Variants in SLC9B1 observed in about 807,000 individuals in gnomAD.
The protein encoded by SLC9B1 is sodium/hydrogen exchanger 9B1.
Under a neutral mutation model 51.7 loss-of-function variants are expected in SLC9B1, and 32 were observed. The ratio of observed to expected loss-of-function variants is 0.62; its 90% confidence interval spans 0.47 to 0.83. SLC9B1 has a LOEUF of 0.83. Among genes scored for constraint, SLC9B1 ranks in the 40% least tolerant of loss-of-function variants. The pLI is 0.00. For synonymous variants in SLC9B1, 145 were observed against 212.7 expected, an observed-to-expected ratio of 0.68 and a Z score of 2.77; for missense variants, 406 against 613.2, an observed-to-expected ratio of 0.66 and a Z score of 3.57.
chr4:102,924,476 C>A (rs1229291331), intron 7 of SLC9B1, among the ~76,000 whole-genome samples: 1 of 152,294 alleles, frequency 6.6e-6, no homozygotes, highest in Admixed American at 6.5e-5. Context: ...CTAGGCAATA[C>A]CATTCAGGCC....
intron 3 of SLC9B1, among the ~76,000 whole-genome samples, chr4:102,977,297 TA>T (rs3974480): frequency 0.021 from 2,672 of 129,254 alleles, 25 homozygotes; most frequent in African/African-American, 0.028. Flanking sequence ...TATTATAACT[TA>T]AAAAAAAAAA....
chr4:102,906,470 A>G, intron 10 of SLC9B1, 66 bp downstream of exon 10: 3 of 817,792 alleles, frequency 3.7e-6, no homozygotes, highest in Non-Finnish European at 3.8e-6. Flanking sequence ...AAATAAAAAT[A>G]AATGTATTTA....
At chr4:102,929,602 C>T (rs1736352202) in intron 7 of SLC9B1, among the ~76,000 whole-genome samples, 1 of 152,306 alleles carries the variant, frequency 6.6e-6, no homozygotes, top group South Asian at 2.1e-4. Context: ...CTCACTGCAA[C>T]CTCTGCCTCT....
At chr4:102,968,329 T>C (rs1388317322) in intron 3 of SLC9B1, among the ~76,000 whole-genome samples, 4 of 152,328 alleles carry the variant, frequency 2.6e-5, no homozygotes, top group Admixed American at 6.5e-5. Flanking sequence ...TTAGGTCATA[T>C]GCAAAAATTA....
chr4:102,955,796 A>AAG (rs199573048), intron 3 of SLC9B1, among the ~76,000 whole-genome samples: 1 of 151,320 alleles, frequency 6.6e-6, no homozygotes, highest in African/African-American at 2.4e-5. Flanking sequence ...AAAAGAAAGA[A>AAG]AGAGAGAGAG....
chr4:102,975,437 G>T (rs1051063925), intron 3 of SLC9B1, among the ~76,000 whole-genome samples: 3 of 151,640 alleles, frequency 2.0e-5, no homozygotes, highest in Admixed American at 6.6e-5. Flanking sequence ...GACACATGAT[G>T]AACACACTGC....
intron 7 of SLC9B1, among the ~76,000 whole-genome samples, chr4:102,920,567 G>A (rs1239791996): frequency 6.6e-6 from 1 of 152,202 alleles, no homozygotes; most frequent in African/African-American, 2.4e-5. Context: ...ACTTTGACGA[G>A]TTGACAGAAG....
At chr4:102,991,604 T>C (rs755849693) in intron 2 of SLC9B1, 39 bp downstream of exon 2, 2 of 1,310,318 alleles carry the variant, frequency 1.5e-6, no homozygotes, top group Middle Eastern at 2.5e-4. Flanking sequence ...ATCAGGTTGA[T>C]TTTATATCAT....
intron 7 of SLC9B1, among the ~76,000 whole-genome samples, chr4:102,928,365 C>T (rs1736292842): frequency 6.6e-6 from 1 of 152,228 alleles, no homozygotes; most frequent in African/African-American, 2.4e-5. Context: ...ACCTTTACTT[C>T]AGTTCCCAAC....
intron 11 of SLC9B1, among the ~76,000 whole-genome samples, chr4:102,886,236 C>A (rs1357639428): frequency 1.3e-5 from 2 of 152,088 alleles, no homozygotes; most frequent in East Asian, 3.9e-4. Flanking sequence ...CGCCTGTAAT[C>A]CCAGCACTTT....
chr4:102,902,681 C>T (rs772246761), intron 11 of SLC9B1, among the ~76,000 whole-genome samples: 56 of 152,092 alleles, frequency 3.7e-4, no homozygotes, highest in Non-Finnish European at 6.9e-4. Flanking sequence ...TTAATTCTTA[C>T]GACAACCTTA....
chr4:102,906,393 T>C, intron 10 of SLC9B1, 143 bp downstream of exon 10: 1 of 468,722 alleles, frequency 2.1e-6, no homozygotes, highest in Non-Finnish European at 3.7e-6. Flanking sequence ...GGAAGAGCAA[T>C]ATGAAAATAT....
At chr4:102,927,191 C>T (rs1260833446) in intron 7 of SLC9B1, among the ~76,000 whole-genome samples, 8 of 152,162 alleles carry the variant, frequency 5.3e-5, no homozygotes, top group Non-Finnish European at 1.0e-4. Flanking sequence ...TAGGCATGGG[C>T]GAGGTCTTCA....
At chr4:102,938,630 T>G (rs1440814270) in intron 6 of SLC9B1, among the ~76,000 whole-genome samples, 3 of 152,156 alleles carry the variant, frequency 2.0e-5, no homozygotes, top group Admixed American at 6.5e-5. Flanking sequence ...AGTCTAAAAT[T>G]ATTTTCAATA....
intron 1 of SLC9B1, among the ~76,000 whole-genome samples, chr4:102,995,440 C>CA (rs1463945919): frequency 6.6e-6 from 1 of 152,056 alleles, no homozygotes; most frequent in Non-Finnish European, 1.5e-5. Context: ...CAAATGGAGA[C>CA]ATCAAGCGAC....
At chr4:103,003,632 G>A (rs909990420) in intron 1 of SLC9B1, among the ~76,000 whole-genome samples, 2 of 152,116 alleles carry the variant, frequency 1.3e-5, no homozygotes, top group African/African-American at 2.4e-5. Context: ...TGGCATGTGT[G>A]AGCATGCAAA....
chr4:102,966,401 C>G (rs1221997330), intron 3 of SLC9B1, among the ~76,000 whole-genome samples: 1 of 152,244 alleles, frequency 6.6e-6, no homozygotes, highest in Admixed American at 6.5e-5. Flanking sequence ...TAAACGCCAT[C>G]AAGGCTTACC....
intron 4 of SLC9B1, among the ~76,000 whole-genome samples, chr4:102,949,044 A>T (rs1737410936): frequency 6.6e-6 from 1 of 152,196 alleles, no homozygotes; most frequent in Admixed American, 6.5e-5. Context: ...TAAATTTTGG[A>T]TAAAACTTGT....
chr4:102,945,840 C>T (rs1055985614), intron 5 of SLC9B1, among the ~76,000 whole-genome samples: 33 of 152,100 alleles, frequency 2.2e-4, no homozygotes, highest in African/African-American at 8.0e-4. Flanking sequence ...TGAGCTATTT[C>T]TATTAAACCA....
Sources: gnomAD v4.1 joint callset for allele counts (sites outside exome capture counted in the v4.1 genomes callset) on GRCh38, gnomAD v4.1.1 for gene constraint, MANE v1.5 for transcripts, NCBI Gene and HGNC (gene_info 2026-07-23, HGNC 2026-07-21) for gene names.